Variants in TSPEAR observed in about 807,000 individuals in gnomAD.
TSPEAR encodes the protein thrombospondin-type laminin G domain and EAR repeat-containing protein.
TSPEAR carries 69 observed loss-of-function variants against 71.6 expected under a neutral mutation model. That is an observed-to-expected ratio of 0.96 (90% confidence interval 0.79 to 1.18). The LOEUF is 1.18. TSPEAR is among the 50% of genes most tolerant of loss of function. The pLI is 0.00. For missense variants in TSPEAR, 971 were observed against 894.9 expected (o/e 1.09, Z -1.09); for synonymous variants, 402 against 387.2 (o/e 1.04, Z -0.45).
At chr21:44,690,540 C>T (rs782469099) in intron 1 of TSPEAR, 2 of 985,386 alleles carry the variant, frequency 2.0e-6, no homozygotes, top group Non-Finnish European at 2.4e-6. Flanking sequence ...AGGCTACAGA[C>T]TCACAGAACA....
rs954368132 is a variant in TSPEAR, at chr21:44,561,490, C to T, written c.303+6295G>A. Among the ~76,000 whole-genome samples, 6 of 152,116 alleles carry T rather than the reference C, an allele frequency of 3.9e-5. No individual in the cohort carries two copies. In the South Asian group the frequency reaches 1.2e-3, roughly 32 times the overall value. ...CTCCCTAACTGATTTTATGAGGCCA[C>T]CATCATCCTGATACCAAAACCTGGC... is the stretch of plus-strand genomic sequence containing the variant. On this transcript the variant is annotated intron_variant, in intron 2 of 11. Transcript: ENST00000323084.
chr21:44,510,719 G>GCCACAGGTGAGGACA (rs2052345675), intron 9 of TSPEAR: 1 of 152,302 alleles, frequency 6.6e-6, no homozygotes, highest in African/African-American at 2.4e-5. Context: ...AGGGGAGGGC[G>GCCACAGGTGAGGACA]CCACAGGTGA....
intron 1 of TSPEAR, among the ~76,000 whole-genome samples, chr21:44,701,607 G>T (rs1555951533): frequency 6.6e-6 from 1 of 152,240 alleles, no homozygotes; most frequent in African/African-American, 2.4e-5. Flanking sequence ...TCAGGCATTA[G>T]ATTCTCACAA....
intron 1 of TSPEAR, among the ~76,000 whole-genome samples, chr21:44,592,680 T>C (rs1383867839): frequency 6.6e-6 from 1 of 152,134 alleles, no homozygotes; most frequent in Non-Finnish European, 1.5e-5. Flanking sequence ...CCATCACATC[T>C]GGGCTGTGTC....
intron 3 of TSPEAR, among the ~76,000 whole-genome samples, chr21:44,532,905 C>T (rs782758813): frequency 2.2e-4 from 34 of 152,368 alleles, no homozygotes; most frequent in South Asian, 8.3e-4. Context: ...TCTGCTCCCT[C>T]GTCCACGAGG....
At chr21:44,680,394 C>T (rs1268866691) in intron 1 of TSPEAR, among the ~76,000 whole-genome samples, 1 of 152,114 alleles carries the variant, frequency 6.6e-6, no homozygotes, top group Non-Finnish European at 1.5e-5. Context: ...CAAAAAATAA[C>T]AGATGCTGGT....
At chr21:44,540,172 G>A in intron 2 of TSPEAR, 1 of 1,606,318 alleles carries the variant, frequency 6.2e-7, no homozygotes, top group Non-Finnish European at 8.5e-7. Flanking sequence ...GAGGAGGTGA[G>A]CTGCGGGAGG....
chr21:44,545,993 G>T (rs1351685261), intron 2 of TSPEAR, among the ~76,000 whole-genome samples: 1 of 152,088 alleles, frequency 6.6e-6, no homozygotes, highest in Non-Finnish European at 1.5e-5. Context: ...CAACAGATTT[G>T]ACAAATCTTT....
At chr21:44,666,907 G>C in intron 1 of TSPEAR, 1 of 1,608,620 alleles carries the variant, frequency 6.2e-7, no homozygotes, top group Non-Finnish European at 8.5e-7. Flanking sequence ...GGCTGGATAA[G>C]GTCGAGGCAG....
intron 1 of TSPEAR, among the ~76,000 whole-genome samples, chr21:44,689,741 T>TATA (rs1569261595): frequency 4.9e-5 from 2 of 41,072 alleles, no homozygotes; most frequent in East Asian, 1.2e-3. Flanking sequence ...ATATATATAT[T>TATA]TTGGGGGGGG....
chr21:44,617,788 G>C (rs1193328193), intron 1 of TSPEAR, among the ~76,000 whole-genome samples: 1 of 152,260 alleles, frequency 6.6e-6, no homozygotes, highest in Non-Finnish European at 1.5e-5. Context: ...ACACCAGGTG[G>C]ATGGCACTGA....
chr21:44,560,644 A>G (rs1418109384), intron 2 of TSPEAR, among the ~76,000 whole-genome samples: 4 of 152,234 alleles, frequency 2.6e-5, no homozygotes, highest in African/African-American at 9.7e-5. Flanking sequence ...ACCGGACCAC[A>G]GTGCAATCAA....
rs146600721 is a variant in TSPEAR, at chr21:44,527,499, G to A, written c.942C>T (p.Tyr314=). 103 of 1,614,060 alleles carry A rather than the reference G, an allele frequency of 6.4e-5. No homozygotes were observed. The highest frequency in any genetic ancestry group is 8.0e-5 in the Non-Finnish European group (94 of 1,180,024). ...TGGACAAGTTCTGATGCTCCTCCAC[G>A]TAGTCCAGTCTTTCTTTGGCTTGTG... is the stretch of plus-strand genomic sequence containing the variant. The part of the protein sequence containing the change: ...SVLAAKERLD[Y]VEEHQNLSTN... Residue 314 remains tyrosine (Y), a synonymous_variant, in exon 7 of 12, where the codon TAC becomes TAT. Transcript: ENST00000323084.
Position 44,601,520 on chromosome 21 carries a change from C to T in TSPEAR, c.83-33515G>A. The T allele has an allele frequency of 2.5e-6, 4 of 1,613,500 alleles. No individual in the cohort carries two copies. The highest frequency in any genetic ancestry group is 2.5e-6 in the Non-Finnish European group (3 of 1,179,780). ...AGCTGCCAGCCGGCTTGCTGCACCA[C>T]CTCCTGCTGCAGACCCTCCTCCTCC... On this transcript the variant is annotated intron_variant, in intron 1 of 11. Transcript: ENST00000323084.
chr21:44,505,772 C>T (rs922242826), intron 10 of TSPEAR, among the ~76,000 whole-genome samples: 8 of 151,990 alleles, frequency 5.3e-5, no homozygotes, highest in East Asian at 1.9e-4. Flanking sequence ...AGTAACGCTC[C>T]GCTGTGTGAA....
At chr21:44,641,945 A>AC (rs201614134) in intron 1 of TSPEAR, among the ~76,000 whole-genome samples, 2 of 151,918 alleles carry the variant, frequency 1.3e-5, no homozygotes, top group Admixed American at 6.6e-5. Context: ...AAGAAACACG[A>AC]CCCCCTCTTT....
intron 1 of TSPEAR, among the ~76,000 whole-genome samples, chr21:44,569,841 G>A (rs1555922273): frequency 6.6e-6 from 1 of 152,144 alleles, no homozygotes; most frequent in Non-Finnish European, 1.5e-5. Flanking sequence ...GACTCTGGGA[G>A]GATTCTGGCA....
chr21:44,573,922 T>C, intron 1 of TSPEAR: 1 of 1,612,734 alleles, frequency 6.2e-7, no homozygotes. Flanking sequence ...TGCCTGAGCC[T>C]GGTCTGCACC....
chr21:44,698,015 C>T, intron 1 of TSPEAR: 2 of 1,519,798 alleles, frequency 1.3e-6, no homozygotes, highest in Non-Finnish European at 8.9e-7. Context: ...GAGTCCCCCA[C>T]CTCTCCCACT....
Sources: gnomAD v4.1 joint callset for allele counts (sites outside exome capture counted in the v4.1 genomes callset) on GRCh38, gnomAD v4.1.1 for gene constraint, MANE v1.5 for transcripts, NCBI Gene and HGNC (gene_info 2026-07-23, HGNC 2026-07-21) for gene names.